The following EMSY variants were observed in gnomAD, a reference collection of about 807,000 sequenced individuals.
The protein encoded by EMSY is BRCA2-interacting transcriptional repressor EMSY.
A neutral mutation model predicts 134.6 loss-of-function variants in EMSY; 26 were observed. The observed-to-expected ratio is 0.19, with a 90% CI of 0.14 to 0.27. The LOEUF is 0.27. Ranked by LOEUF, EMSY falls within the 10% of genes least tolerant of loss-of-function variation. The pLI is 1.00. For missense variants in EMSY, 1,305 were observed against 1,611.4 expected (o/e 0.81, Z 3.26); for synonymous variants, 579 against 577.8 (o/e 1.00, Z -0.03).
intron 8 of EMSY, among the ~76,000 whole-genome samples, chr11:76,486,659 T>C (rs543754636): frequency 1.3e-5 from 2 of 152,232 alleles, no homozygotes; most frequent in African/African-American, 2.4e-5. Context: ...CTCTCCTCCT[T>C]ACATTTGCAA....
chr11:76,509,303 G>C (rs1352199727), intron 9 of EMSY, among the ~76,000 whole-genome samples: 1 of 152,048 alleles, frequency 6.6e-6, no homozygotes, highest in Non-Finnish European at 1.5e-5. Flanking sequence ...GACCAGCCTG[G>C]CCAACATGAT....
At chr11:76,453,877 CTT>C (rs1260276210) in intron 4 of EMSY, 4 of 152,008 alleles carry the variant, frequency 2.6e-5, no homozygotes, top group African/African-American at 7.2e-5. Context: ...TATAACATCT[CTT>C]AATTTATTTT....
chr11:76,496,756 T>TTGC lies in EMSY; in HGVS notation c.1363+290_1363+292dup, dbSNP rs1197485516. 7 of 412,556 alleles carry TTGC rather than the reference T, an allele frequency of 1.7e-5. No homozygotes were observed. In the East Asian group the frequency reaches 4.0e-4, roughly 24 times the overall value. 25.6% of individuals were successfully genotyped at this position (412,556 alleles called of 1,614,324 possible). On this transcript the variant is annotated intron_variant, in intron 9 of 20. Transcript: ENST00000334736. ...AGTATTGATCTTGTATCCTTTGACC[T>TTGC]TGCTGAACTCACTTGTTCTCAGAGT...
chr11:76,485,001 A>G (rs1378660555), intron 8 of EMSY, among the ~76,000 whole-genome samples: 1 of 152,150 alleles, frequency 6.6e-6, no homozygotes, highest in Non-Finnish European at 1.5e-5. Flanking sequence ...TAAACCAGGA[A>G]GAAGTCAAAT....
At chr11:76,449,671 C>T (rs1012377317) in intron 2 of EMSY, among the ~76,000 whole-genome samples, 1 of 152,160 alleles carries the variant, frequency 6.6e-6, no homozygotes, top group African/African-American at 2.4e-5. Context: ...TGAGTCCTAT[C>T]AAATAAAAAC....
chr11:76,491,341 C>T (rs564280808), intron 8 of EMSY, among the ~76,000 whole-genome samples: 3 of 151,906 alleles, frequency 2.0e-5, no homozygotes, highest in Admixed American at 6.6e-5. Context: ...CTGCCATGCC[C>T]GGCTTTTTTT....
chr11:76,489,051 G>C (rs1949307196), intron 8 of EMSY, among the ~76,000 whole-genome samples: 1 of 152,228 alleles, frequency 6.6e-6, no homozygotes, highest in African/African-American at 2.4e-5. Flanking sequence ...GACTGGCTTA[G>C]ATCAATTAGG....
chr11:76,538,011 G>A, intron 16 of EMSY, 61 bp downstream of exon 17: 5 of 1,409,780 alleles, frequency 3.5e-6, no homozygotes, highest in Admixed American at 2.2e-5. Flanking sequence ...GATTTCATGG[G>A]ATGATTGTGT....
At chr11:76,469,099 T>A (rs1263236177) in intron 7 of EMSY, among the ~76,000 whole-genome samples, 8 of 152,224 alleles carry the variant, frequency 5.3e-5, no homozygotes, top group Non-Finnish European at 1.0e-4. Flanking sequence ...ATCATTTGTA[T>A]CTGTAACCTA....
At chr11:76,522,609 C>T (rs759572927) in intron 11 of EMSY, among the ~76,000 whole-genome samples, 14 of 152,060 alleles carry the variant, frequency 9.2e-5, no homozygotes, top group African/African-American at 2.7e-4. Context: ...GATCTGCCTG[C>T]GTCAGCCTCT....
chr11:76,460,131 T>C (rs775243351), intron 6 of EMSY, 46 bp downstream of exon 7: 2 of 1,601,218 alleles, frequency 1.2e-6, no homozygotes, highest in South Asian at 2.2e-5. Flanking sequence ...GGCTAAATGC[T>C]GCAGTCTAGG....
chr11:76,460,086 G>A lies in EMSY; in HGVS notation c.571+1G>A, dbSNP rs1948046358. The stretch of plus-strand genomic sequence containing the variant: ...AGTGGAAGTACTGTTTATGTCAAAA[G>A]TAAGTGATATTCTCAGTGTTATCAG... On this transcript the variant is annotated splice_donor_variant, in intron 6 of 20. Transcript: ENST00000334736. LOFTEE classifies it high-confidence loss of function. 1 of 1,614,156 alleles carries A rather than the reference G, an allele frequency of 6.2e-7. No homozygotes were observed. Among genetic ancestry groups the A allele is most frequent in the Non-Finnish European group, 8.5e-7 (1 of 1,179,996 alleles).
At chr11:76,457,690 C>G (rs997654442) in intron 4 of EMSY, among the ~76,000 whole-genome samples, 22 of 152,232 alleles carry the variant, frequency 1.4e-4, no homozygotes, top group African/African-American at 5.1e-4. Context: ...GCCTCAGTTT[C>G]CCTTGTTTGA....
intron 11 of EMSY, among the ~76,000 whole-genome samples, chr11:76,518,870 G>GTGTGTGTA (rs1324199029): frequency 2.0e-5 from 3 of 150,006 alleles, no homozygotes; most frequent in African/African-American, 7.3e-5. Flanking sequence ...GTGTGTGTGT[G>GTGTGTGTA]TGTGTGTGTG....
chr11:76,496,697 A>G (rs1376792640), intron 9 of EMSY: 7 of 590,422 alleles, frequency 1.2e-5, no homozygotes, highest in Middle Eastern at 2.7e-4. Flanking sequence ...TTTTAATTTC[A>G]ATGTCTACAT....
chr11:76,460,107 A>G (rs373792798), intron 6 of EMSY, 22 bp downstream of exon 7: 3 of 1,613,168 alleles, frequency 1.9e-6, no homozygotes, highest in African/African-American at 2.7e-5. Context: ...TCTCAGTGTT[A>G]TCAGGGCCTT....
intron 7 of EMSY, 82 bp downstream of exon 8, chr11:76,464,162 C>A: frequency 6.8e-7 from 1 of 1,475,824 alleles, no homozygotes; most frequent in South Asian, 1.2e-5. Flanking sequence ...GCACTGAGTG[C>A]TTACTATGTG....
intron 2 of EMSY, among the ~76,000 whole-genome samples, chr11:76,450,736 C>T (rs2134787344): frequency 6.6e-6 from 1 of 151,768 alleles, no homozygotes; most frequent in Non-Finnish European, 1.5e-5. Context: ...AAGCAATCCT[C>T]CTGCCTCGGC....
At chr11:76,469,267 C>T (rs1419327130) in intron 7 of EMSY, among the ~76,000 whole-genome samples, 2 of 152,198 alleles carry the variant, frequency 1.3e-5, no homozygotes, top group African/African-American at 2.4e-5. Context: ...TTAACTGTGG[C>T]ATACTTTCCT....
Sources: gnomAD v4.1 joint callset for allele counts (sites outside exome capture counted in the v4.1 genomes callset) on GRCh38, gnomAD v4.1.1 for gene constraint, MANE v1.5 for transcripts, NCBI Gene and HGNC (gene_info 2026-07-23, HGNC 2026-07-21) for gene names.